MSRA: variants seen among roughly 807,000 people sequenced by gnomAD.
MSRA encodes methionine sulfoxide reductase A.
MSRA carries 54 observed loss-of-function variants against 31.3 expected under a neutral mutation model. That is an observed-to-expected ratio of 1.73 (90% CI 1.39 to 2.17). The LOEUF (loss-of-function observed/expected upper bound fraction) is 2.17. MSRA is among the 30% of genes most tolerant of loss of function. The pLI, the probability that MSRA is intolerant of heterozygous loss-of-function variation, is 0.00. For synonymous variants in MSRA, 169 were observed against 116.5 expected (o/e 1.45, Z -2.90); for missense variants, 507 against 300.9 (o/e 1.69, Z -5.07).
At chr8:10,166,238 G>A (rs1207980875) in intron 1 of MSRA, among the ~76,000 whole-genome samples, 2 of 152,176 alleles carry the variant, frequency 1.3e-5, no homozygotes, top group African/African-American at 2.4e-5. Context: ...GGTTTCTCAG[G>A]TAGCAGGGGA....
intron 5 of MSRA, chr8:10,353,796 C>A: frequency 3.1e-6 from 1 of 319,384 alleles, no homozygotes; most frequent in Non-Finnish European, 6.3e-6. Context: ...TCACACAAGA[C>A]AGTAATAAAC....
chr8:10,239,851 G>A (rs1009639298), intron 2 of MSRA, among the ~76,000 whole-genome samples: 1 of 152,214 alleles, frequency 6.6e-6, no homozygotes, highest in Admixed American at 6.5e-5. Context: ...AACATGGTGT[G>A]TCCCTACCTT....
chr8:10,065,110 G>T (rs1797393723), intron 1 of MSRA, among the ~76,000 whole-genome samples: 1 of 152,044 alleles, frequency 6.6e-6, no homozygotes. Flanking sequence ...TGAGCCCTCT[G>T]CAGGGACTTC....
At chr8:10,410,317 A>T (rs1808078542) in intron 5 of MSRA, among the ~76,000 whole-genome samples, 1 of 152,022 alleles carries the variant, frequency 6.6e-6, no homozygotes. Context: ...AACCCAAGTC[A>T]CTTGTTTGGG....
Position 10,428,835 on chromosome 8 carries a change from G to C in MSRA, c.*523G>C. 6.4e-6 allele frequency: 1 copy of C among 155,196 alleles called. No individual in the cohort carries two copies. Among genetic ancestry groups the C allele is most frequent in the Non-Finnish European group, 1.4e-5 (1 of 70,260 alleles). The allele number at this position is 155,196 out of a possible 1,614,324, so 9.6% of individuals were successfully genotyped here. A position where few individuals can be genotyped will look rare whatever the true frequency, so the allele number is the denominator to read the frequency against. On this transcript the variant is annotated 3_prime_UTR_variant, in exon 6 of 6. Transcript: ENST00000317173. ...TCCGCTTGATGAATTCTAATGCTTT[G>C]CTTAGAGCTATGAGAAATGTTTGTT...
intron 5 of MSRA, among the ~76,000 whole-genome samples, chr8:10,329,792 G>T (rs1197486667): frequency 6.6e-6 from 1 of 151,662 alleles, no homozygotes; most frequent in Non-Finnish European, 1.5e-5. Context: ...AGGTTTCCCA[G>T]CGAGATGGGA....
At chr8:10,400,263 C>A (rs7003524) in intron 5 of MSRA, among the ~76,000 whole-genome samples, 12,325 of 151,156 alleles carry the variant, frequency 0.082, 1,418 homozygotes, top group African/African-American at 0.26. Flanking sequence ...ATGATGAGGG[C>A]CTGGGTTACA....
intron 5 of MSRA, among the ~76,000 whole-genome samples, chr8:10,414,908 G>A (rs1808364887): frequency 6.6e-6 from 1 of 152,170 alleles, no homozygotes; most frequent in Admixed American, 6.5e-5. Flanking sequence ...ACAGGGACAG[G>A]GAAAGAGAAG....
At chr8:10,229,875 C>T (rs73191584) in intron 2 of MSRA, among the ~76,000 whole-genome samples, 47 of 152,216 alleles carry the variant, frequency 3.1e-4, no homozygotes, top group Non-Finnish European at 6.5e-4. Flanking sequence ...CTTTTTCTTT[C>T]TGTGTTTGAC....
intron 5 of MSRA, among the ~76,000 whole-genome samples, chr8:10,377,150 C>G (rs1176001614): frequency 6.6e-6 from 1 of 152,234 alleles, no homozygotes; most frequent in Non-Finnish European, 1.5e-5. Context: ...ACGTAATGAT[C>G]GCGAGTTTTT....
intron 3 of MSRA, among the ~76,000 whole-genome samples, chr8:10,291,605 A>C (rs1249832796): frequency 1.3e-5 from 2 of 152,104 alleles, no homozygotes; most frequent in African/African-American, 4.8e-5. Flanking sequence ...TTTGTAGTTA[A>C]TTAGCAAGAG....
chr8:10,165,287 C>G (rs1352565820), intron 1 of MSRA, among the ~76,000 whole-genome samples: 1 of 152,188 alleles, frequency 6.6e-6, no homozygotes, highest in African/African-American at 2.4e-5. Context: ...AGAACAACCA[C>G]TCTGCTCTCC....
At chr8:10,417,169 C>T (rs531373824) in intron 5 of MSRA, among the ~76,000 whole-genome samples, 1 of 152,284 alleles carries the variant, frequency 6.6e-6, no homozygotes, top group South Asian at 2.1e-4. Context: ...TCTTTCTCTC[C>T]TTTCCCTCCC....
intron 3 of MSRA, among the ~76,000 whole-genome samples, chr8:10,300,222 G>A (rs964409597): frequency 3.3e-5 from 5 of 151,816 alleles, no homozygotes; most frequent in African/African-American, 1.2e-4. Context: ...TGCTTATGTG[G>A]CAGTAGTATA....
intron 1 of MSRA, among the ~76,000 whole-genome samples, chr8:10,076,223 A>T (rs992139096): frequency 6.6e-6 from 1 of 152,226 alleles, no homozygotes; most frequent in Non-Finnish European, 1.5e-5. Context: ...GTTGCACAGA[A>T]TGTTTGTTTT....
chr8:10,260,866 C>T (rs1380288602), intron 3 of MSRA, among the ~76,000 whole-genome samples: 2 of 152,134 alleles, frequency 1.3e-5, no homozygotes, highest in African/African-American at 4.8e-5. Context: ...ACTTTCAGAG[C>T]AGTGGGAGAG....
intron 1 of MSRA, among the ~76,000 whole-genome samples, chr8:10,136,249 G>A (rs1802267708): frequency 6.6e-6 from 1 of 152,176 alleles, no homozygotes; most frequent in Admixed American, 6.5e-5. Context: ...CAGGCATTCA[G>A]CCACATGGTA....
chr8:10,057,323 A>G (rs1802431791), intron 1 of MSRA, among the ~76,000 whole-genome samples: 1 of 152,130 alleles, frequency 6.6e-6, no homozygotes, highest in African/African-American at 2.4e-5. Context: ...GTGCCTGACC[A>G]CCAAGCAATA....
intron 2 of MSRA, among the ~76,000 whole-genome samples, chr8:10,234,130 G>C (rs754586937): frequency 1.8e-4 from 28 of 152,204 alleles, no homozygotes; most frequent in South Asian, 1.7e-3. Context: ...ATAACTCATA[G>C]ACAGTTACTA....
Sources: allele counts gnomAD v4.1 joint callset (sites outside exome capture counted in the v4.1 genomes callset), GRCh38; gene constraint gnomAD v4.1.1; transcripts MANE v1.5; gene names NCBI Gene and HGNC (gene_info 2026-07-23, HGNC 2026-07-21).